HYAL4: variants seen among roughly 807,000 people sequenced by gnomAD.
HYAL4 encodes the protein hyaluronidase 4, also known as hyaluronidase-4.
Under a neutral mutation model 35.2 loss-of-function variants are expected in HYAL4, and 37 were observed. The ratio of observed to expected loss-of-function variants is 1.05; its 90% CI spans 0.81 to 1.38. The LOEUF (loss-of-function observed/expected upper bound fraction) is 1.38, where lower values mean the gene tolerates loss of function less well. Ranked by LOEUF, HYAL4 falls within the 40% of genes most tolerant of loss-of-function variation. The pLI is 0.00. For synonymous variants in HYAL4, 198 were observed against 203.2 expected (o/e 0.97, Z 0.22); for missense variants, 572 against 572.4 (o/e 1.00, Z 0.01).
At chr7:123,789,331 T>G in the HYAL4 span, among the ~76,000 whole-genome samples, 1 of 152,172 alleles carries the variant, frequency 6.6e-6, no homozygotes, top group South Asian at 2.1e-4. Context: ...AGGGTCAGCT[T>G]AGAAGGGTCA....
chr7:123,846,225 T>G (rs1341860933), intron 1 of HYAL4, among the ~76,000 whole-genome samples: 1 of 151,978 alleles, frequency 6.6e-6, no homozygotes, highest in African/African-American at 2.4e-5. Context: ...TATATGCCCT[T>G]TGTCTTCAGC....
chr7:123,790,137 T>C, the HYAL4 span, among the ~76,000 whole-genome samples: 1 of 152,194 alleles, frequency 6.6e-6, no homozygotes, highest in Non-Finnish European at 1.5e-5. Context: ...CCACCCACAT[T>C]AGCCAATTCA....
Position 123,847,817 on chromosome 7 carries a change from C to T in HYAL4, c.-121-272C>T, listed in dbSNP as rs1216012090. On this transcript the variant is annotated intron_variant, in intron 1 of 4. Transcript: ENST00000223026. Reference sequence around the variant, plus strand: ...ATAATACATGCTTTAGTACACAAAGCACTTGACCCCCTTTTTTCTCTTTAT... The same window carrying T: ...ATAATACATGCTTTAGTACACAAAGTACTTGACCCCCTTTTTTCTCTTTAT... 3.9e-5 allele frequency among the ~76,000 whole-genome samples: 6 copies of T among 152,164 alleles called. No homozygotes were observed. The South Asian group carries it at 8.3e-4, about 21-fold the overall frequency.
the HYAL4 span, among the ~76,000 whole-genome samples, chr7:123,807,432 G>GTTTTCTTTTT: frequency 8.3e-6 from 1 of 120,802 alleles, no homozygotes; most frequent in African/African-American, 3.1e-5. Context: ...ACTTTTTATG[G>GTTTTCTTTTT]TTTTTTTTTT....
At chr7:123,844,833 C>G (rs548395131), upstream of HYAL4, among the ~76,000 whole-genome samples, 2 of 152,198 alleles carry the variant, frequency 1.3e-5, no homozygotes, top group Non-Finnish European at 1.5e-5. Context: ...TGGGACCCAC[C>G]GAGCCAGGCA....
chr7:123,778,772 T>C, the HYAL4 span, among the ~76,000 whole-genome samples: 3 of 152,218 alleles, frequency 2.0e-5, no homozygotes, highest in Non-Finnish European at 4.4e-5. Flanking sequence ...AATTCATAAA[T>C]AGTAGAGAGA....
the HYAL4 span, among the ~76,000 whole-genome samples, chr7:123,797,961 A>G: frequency 1.6e-4 from 24 of 152,236 alleles, no homozygotes; most frequent in African/African-American, 5.3e-4. Flanking sequence ...AAGTGCCCAC[A>G]ATTATAGATT....
At chr7:123,875,656 CAAA>C (rs1167401861) in intron 4 of HYAL4, among the ~76,000 whole-genome samples, 2 of 62,716 alleles carry the variant, frequency 3.2e-5, no homozygotes, top group East Asian at 5.9e-4. Context: ...GACTCCATCT[CAAA>C]AAAAAAAAAA....
At chr7:123,790,225 A>AAAGTC in the HYAL4 span, among the ~76,000 whole-genome samples, 12 of 152,200 alleles carry the variant, frequency 7.9e-5, no homozygotes, top group African/African-American at 2.9e-4. Flanking sequence ...GGGAAACAGT[A>AAAGTC]AAGTCTTTCC....
the HYAL4 span, among the ~76,000 whole-genome samples, chr7:123,817,111 T>G: frequency 6.6e-6 from 1 of 152,182 alleles, no homozygotes; most frequent in Non-Finnish European, 1.5e-5. Flanking sequence ...ACTGGATCTC[T>G]GACTCTCCAT....
chr7:123,765,211 A>T, the HYAL4 span, among the ~76,000 whole-genome samples: 3 of 152,162 alleles, frequency 2.0e-5, no homozygotes, highest in East Asian at 5.8e-4. Flanking sequence ...AATAAAAAAA[A>T]TTGTCACTCT....
intron 1 of HYAL4, among the ~76,000 whole-genome samples, chr7:123,837,151 C>A (rs192946945): frequency 2.2e-4 from 33 of 152,236 alleles, no homozygotes; most frequent in Admixed American, 9.8e-4. Context: ...ACTATCTTTC[C>A]TTCATTTGTG....
intron 1 of HYAL4, among the ~76,000 whole-genome samples, chr7:123,838,000 G>A (rs1042034365): frequency 2.0e-5 from 3 of 152,082 alleles, no homozygotes; most frequent in African/African-American, 7.2e-5. Context: ...TGTCTTTATA[G>A]CAGCATGATT....
At chr7:123,836,561 A>G (rs1805966306) in intron 1 of HYAL4, among the ~76,000 whole-genome samples, 1 of 152,114 alleles carries the variant, frequency 6.6e-6, no homozygotes, top group Admixed American at 6.6e-5. Flanking sequence ...TAAGTGGAGC[A>G]TTTAGGCCAT....
the HYAL4 span, among the ~76,000 whole-genome samples, chr7:123,803,690 A>C: frequency 6.6e-6 from 1 of 152,220 alleles, no homozygotes; most frequent in African/African-American, 2.4e-5. Context: ...GAAGATGCCC[A>C]ATTTTATACT....
the HYAL4 span, among the ~76,000 whole-genome samples, chr7:123,798,017 G>A: frequency 1.3e-5 from 2 of 152,192 alleles, no homozygotes; most frequent in African/African-American, 4.8e-5. Flanking sequence ...TTACCCACCA[G>A]AGGGTGCTAC....
intron 2 of HYAL4, among the ~76,000 whole-genome samples, chr7:123,857,000 C>A (rs1257637436): frequency 6.6e-6 from 1 of 152,146 alleles, no homozygotes; most frequent in Non-Finnish European, 1.5e-5. Context: ...GGAAAACCGC[C>A]TACTCAAGCC....
chr7:123,782,701 G>A, the HYAL4 span, among the ~76,000 whole-genome samples: 1 of 150,670 alleles, frequency 6.6e-6, no homozygotes, highest in South Asian at 2.1e-4. Context: ...ATTGATGGTA[G>A]GATTTCTTGA....
intron 2 of HYAL4, among the ~76,000 whole-genome samples, chr7:123,861,437 A>G (rs1382387727): frequency 6.6e-6 from 1 of 152,232 alleles, no homozygotes; most frequent in East Asian, 1.9e-4. Context: ...GGAACATTCT[A>G]TTAAAAATGT....
Sources: allele counts gnomAD v4.1 joint callset (sites outside exome capture counted in the v4.1 genomes callset), GRCh38; gene constraint gnomAD v4.1.1; transcripts MANE v1.5; gene names NCBI Gene and HGNC (gene_info 2026-07-23, HGNC 2026-07-21).